Variants in TMEM266 observed in about 807,000 individuals in gnomAD.
TMEM266 encodes Hv1 related protein 1.
TMEM266 carries 33 observed loss-of-function variants against 50.5 expected under a neutral mutation model. The observed-to-expected ratio is 0.65, with a 90% CI of 0.50 to 0.87. TMEM266 has a LOEUF of 0.87. Ranked by LOEUF, TMEM266 falls within the 40% of genes least tolerant of loss-of-function variation. The pLI is 0.00. For synonymous variants in TMEM266, 310 were observed against 292.3 expected (o/e 1.06, Z -0.62); for missense variants, 655 against 695.1 (o/e 0.94, Z 0.65).
chr15:76,101,490 G>C (rs1354305403), intron 1 of TMEM266, among the ~76,000 whole-genome samples: 2 of 152,210 alleles, frequency 1.3e-5, no homozygotes, highest in African/African-American at 4.8e-5. Context: ...GGAGGTAGAC[G>C]CAAGTTCCAG....
chr15:76,175,943 G>A (rs2038270357), intron 8 of TMEM266: 2 of 315,230 alleles, frequency 6.3e-6, no homozygotes, highest in Non-Finnish European at 5.9e-6. Flanking sequence ...TCCCCAACCT[G>A]AGTCTGCCAA....
At chr15:76,201,390 G>C (rs2142091890) in intron 9 of TMEM266, among the ~76,000 whole-genome samples, 1 of 152,162 alleles carries the variant, frequency 6.6e-6, no homozygotes, top group African/African-American at 2.4e-5. Context: ...GGTGAACCAA[G>C]ATTCCTTATT....
At chr15:76,158,489 C>T (rs2037961911) in intron 4 of TMEM266, among the ~76,000 whole-genome samples, 1 of 152,132 alleles carries the variant, frequency 6.6e-6, no homozygotes, top group Non-Finnish European at 1.5e-5. Context: ...CTCGGCTGCT[C>T]GGGCTGTGAC....
At chr15:76,107,948 C>T (rs2037109651) in intron 1 of TMEM266, among the ~76,000 whole-genome samples, 1 of 152,192 alleles carries the variant, frequency 6.6e-6, no homozygotes, top group African/African-American at 2.4e-5. Context: ...TAGCAGGCAC[C>T]CTCTTCCCTT....
chr15:76,202,173 C>T (rs1321486492), intron 9 of TMEM266, 29 bp from the exon 10 acceptor site: 1 of 1,592,186 alleles, frequency 6.3e-7, no homozygotes, highest in South Asian at 1.1e-5. Flanking sequence ...ACTTGATGCA[C>T]TCACCCTTCT....
intron 1 of TMEM266, among the ~76,000 whole-genome samples, chr15:76,093,876 C>T (rs1182021844): frequency 6.6e-6 from 1 of 152,030 alleles, no homozygotes; most frequent in African/African-American, 2.4e-5. Flanking sequence ...TGATGATGAG[C>T]ATTTTTTCAT....
chr15:76,102,286 G>A (rs1201167544), intron 1 of TMEM266, among the ~76,000 whole-genome samples: 1 of 152,148 alleles, frequency 6.6e-6, no homozygotes, highest in Non-Finnish European at 1.5e-5. Flanking sequence ...ACATTCTAGT[G>A]GGGAAGATCA....
chr15:76,062,030 T>G (rs931314231), intron 1 of TMEM266, among the ~76,000 whole-genome samples: 1 of 140,570 alleles, frequency 7.1e-6, no homozygotes, highest in Non-Finnish European at 1.5e-5. Flanking sequence ...TATTTAATCA[T>G]TTTTTTAAAG....
At chr15:76,136,764 C>T (rs1567163529) in intron 2 of TMEM266, among the ~76,000 whole-genome samples, 1 of 152,182 alleles carries the variant, frequency 6.6e-6, no homozygotes, top group Non-Finnish European at 1.5e-5. Flanking sequence ...AGTCCAGCAT[C>T]TCTGGACAGG....
intron 1 of TMEM266, among the ~76,000 whole-genome samples, chr15:76,107,828 C>T (rs1160177468): frequency 6.6e-6 from 1 of 152,090 alleles, no homozygotes; most frequent in Non-Finnish European, 1.5e-5. Flanking sequence ...TACTCTAGAA[C>T]CCACACTGCT....
chr15:76,072,468 C>T (rs1010789438), intron 1 of TMEM266, among the ~76,000 whole-genome samples: 9 of 149,698 alleles, frequency 6.0e-5, no homozygotes, highest in African/African-American at 2.2e-4. Context: ...AAAGAAGCAG[C>T]ACTGGACTAA....
At position 76,168,379 on chromosome 15, in the gene TMEM266, T is replaced by C. The variant is rs2038130536; in HGVS notation, c.457-1437T>C. 1.3e-5 allele frequency among the ~76,000 whole-genome samples: 2 copies of C among 152,244 alleles called. No homozygotes were observed. The highest frequency in any genetic ancestry group is 2.4e-5 in the African/African-American group (1 of 41,472). ...CTGGATTTTACCAGCCAAGCCTTTCTGTGGCATAACAGCTGTGGGTGATGA... is the reference window on the plus strand; with the variant it reads ...CTGGATTTTACCAGCCAAGCCTTTCCGTGGCATAACAGCTGTGGGTGATGA... On this transcript the variant is annotated intron_variant, in intron 5 of 10. Transcript: ENST00000388942. This position sits in a 1 kb window ranked among gnomAD's most constrained non-coding sequence, Gnocchi z 4.4.
intron 9 of TMEM266, among the ~76,000 whole-genome samples, chr15:76,197,796 C>G (rs547872608): frequency 6.6e-6 from 1 of 152,332 alleles, no homozygotes; most frequent in Non-Finnish European, 1.5e-5. Flanking sequence ...CACCACAGTC[C>G]ATGCAGCCTG....
At position 76,171,147 on chromosome 15, in the gene TMEM266, G is replaced by A. The variant is rs138682771; in HGVS notation, c.652+16G>A. The stretch of plus-strand genomic sequence containing the variant: ...GTCATTGATGGTGAGTGGCCCGAGG[G>A]GGGTGTGGTCAGTGGGGCTGCTCCA... On this transcript the variant is annotated intron_variant, in intron 7 of 10. Coordinates refer to ENST00000388942, the MANE Select transcript of TMEM266 (RefSeq NM_152335.3). 3.8e-5 allele frequency: 61 copies of A among 1,612,744 alleles called. No homozygotes were observed. The African/African-American group carries it at 5.1e-4, about 13-fold the overall frequency.
At chr15:76,107,357 A>C (rs909207902) in intron 1 of TMEM266, among the ~76,000 whole-genome samples, 4 of 152,186 alleles carry the variant, frequency 2.6e-5, no homozygotes, top group Non-Finnish European at 5.9e-5. Flanking sequence ...CGTTGCCCTC[A>C]TACCAGAGTA....
chr15:76,120,315 T>G (rs2037320640), intron 1 of TMEM266, among the ~76,000 whole-genome samples: 1 of 152,004 alleles, frequency 6.6e-6, no homozygotes, highest in Non-Finnish European at 1.5e-5. Context: ...AATAAAAGAA[T>G]GAATTAGAGT....
intron 1 of TMEM266, among the ~76,000 whole-genome samples, chr15:76,100,836 C>T (rs2036989712): frequency 6.6e-6 from 1 of 152,102 alleles, no homozygotes; most frequent in South Asian, 2.1e-4. Context: ...GTGTTCAACC[C>T]CATGATTTTT....
chr15:76,183,549 G>A (rs2038452205), intron 8 of TMEM266, among the ~76,000 whole-genome samples: 1 of 152,136 alleles, frequency 6.6e-6, no homozygotes, highest in Non-Finnish European at 1.5e-5. Flanking sequence ...CGTTTTATTG[G>A]CAAGAGTCAG....
At chr15:76,086,933 G>A (rs75198208) in intron 1 of TMEM266, among the ~76,000 whole-genome samples, 3 of 34,020 alleles carry the variant, frequency 8.8e-5, no homozygotes, top group African/African-American at 1.5e-4. Flanking sequence ...CAGGTCGGGG[G>A]GGGGGCGGTG....
Sources: allele counts gnomAD v4.1 joint callset (sites outside exome capture counted in the v4.1 genomes callset), GRCh38; gene constraint gnomAD v4.1.1; non-coding constraint Gnocchi (gnomAD v3.1); transcripts MANE v1.5; gene names NCBI Gene and HGNC (gene_info 2026-07-23, HGNC 2026-07-21).